Variants in GALNT13 observed in about 807,000 individuals in gnomAD.
GALNT13 encodes the protein polypeptide N-acetylgalactosaminyltransferase 13, also known as UDP-GalNAc:polypeptide N-acetylgalactosaminyltransferase 13.
A neutral mutation model predicts 64.2 loss-of-function variants in GALNT13; 28 were observed. The ratio of observed to expected loss-of-function variants is 0.44; its 90% CI spans 0.32 to 0.60. The LOEUF is 0.60. Among genes scored for constraint, GALNT13 ranks in the 20% least tolerant of loss-of-function variants. The probability of loss-of-function intolerance (pLI) is 0.05; values close to 1 mark genes in which losing one functional copy is unlikely to be tolerated. For missense variants in GALNT13, 577 were observed against 669.8 expected, an observed-to-expected ratio of 0.86 and a Z score of 1.53; for synonymous variants, 214 against 224.6, an observed-to-expected ratio of 0.95 and a Z score of 0.42.
At chr2:153,132,439 G>A in the GALNT13 span, among the ~76,000 whole-genome samples, 58 of 152,236 alleles carry the variant, frequency 3.8e-4, no homozygotes, top group Non-Finnish European at 2.1e-4. Flanking sequence ...CTAAGAGTAT[G>A]CAGAAAAAGT....
At chr2:153,329,916 C>A in the GALNT13 span, among the ~76,000 whole-genome samples, 1 of 152,130 alleles carries the variant, frequency 6.6e-6, no homozygotes, top group Non-Finnish European at 1.5e-5. Context: ...TGAGGTCTTA[C>A]GTATGAATGT....
chr2:153,534,703 G>A, the GALNT13 span, among the ~76,000 whole-genome samples: 3 of 151,724 alleles, frequency 2.0e-5, no homozygotes, highest in South Asian at 6.2e-4. Context: ...AGTGGGGGTC[G>A]CAAGGTGCTC....
At chr2:153,629,194 C>A in the GALNT13 span, among the ~76,000 whole-genome samples, 2 of 122,308 alleles carry the variant, frequency 1.6e-5, no homozygotes, top group African/African-American at 8.1e-5. Flanking sequence ...GTGGTGATAT[C>A]CCCTTTATCA....
At chr2:153,272,394 G>T in the GALNT13 span, among the ~76,000 whole-genome samples, 3 of 138,140 alleles carry the variant, frequency 2.2e-5, no homozygotes, top group Admixed American at 1.5e-4. Flanking sequence ...AGAAGACAAA[G>T]AACTTAAACA....
the GALNT13 span, among the ~76,000 whole-genome samples, chr2:153,448,192 G>A: frequency 6.6e-6 from 1 of 152,118 alleles, no homozygotes; most frequent in South Asian, 2.1e-4. Context: ...TCAAACAATA[G>A]TAATATACTG....
chr2:153,521,641 T>C, the GALNT13 span, among the ~76,000 whole-genome samples: 1 of 152,202 alleles, frequency 6.6e-6, no homozygotes. Context: ...CCCACTACTA[T>C]AGTATCATAC....
At chr2:154,034,454 T>C (rs1698534273) in intron 3 of GALNT13, among the ~76,000 whole-genome samples, 1 of 152,222 alleles carries the variant, frequency 6.6e-6, no homozygotes, top group South Asian at 2.1e-4. Flanking sequence ...TTTGTATAAA[T>C]TTAAGGCATA....
At chr2:154,441,495 AT>A (rs1389572790) in intron 12 of GALNT13, among the ~76,000 whole-genome samples, 2 of 152,134 alleles carry the variant, frequency 1.3e-5, no homozygotes, top group Non-Finnish European at 2.9e-5. Flanking sequence ...CAGAACTGAA[AT>A]GTACCTTAAA....
the GALNT13 span, among the ~76,000 whole-genome samples, chr2:153,672,574 G>T: frequency 6.6e-6 from 1 of 152,130 alleles, no homozygotes; most frequent in Non-Finnish European, 1.5e-5. Context: ...GAAATTTGTA[G>T]CACTAAATGC....
chr2:153,756,619 T>A, the GALNT13 span, among the ~76,000 whole-genome samples: 1 of 152,132 alleles, frequency 6.6e-6, no homozygotes, highest in Admixed American at 6.6e-5. Flanking sequence ...ATGTTGGACA[T>A]GAGTGCCTTT....
the GALNT13 span, among the ~76,000 whole-genome samples, chr2:153,396,451 C>T: frequency 4.6e-5 from 7 of 151,878 alleles, no homozygotes; most frequent in African/African-American, 1.7e-4. Flanking sequence ...TGTGATAAAA[C>T]ATGAGATTAA....
chr2:153,664,590 A>G, the GALNT13 span, among the ~76,000 whole-genome samples: 1 of 152,302 alleles, frequency 6.6e-6, no homozygotes, highest in East Asian at 1.9e-4. Context: ...CAGGTGTAGG[A>G]AATTATAAGA....
chr2:153,633,693 T>A, the GALNT13 span, among the ~76,000 whole-genome samples: 1 of 152,156 alleles, frequency 6.6e-6, no homozygotes, highest in African/African-American at 2.4e-5. Context: ...CAGTGAGTGA[T>A]CTATTTCCAA....
At chr2:153,882,571 G>T (rs553088920) in intron 1 of GALNT13, among the ~76,000 whole-genome samples, 1 of 151,368 alleles carries the variant, frequency 6.6e-6, no homozygotes, top group South Asian at 2.1e-4. Flanking sequence ...AAGTCTTTTA[G>T]TCAACAAGAC....
chr2:154,261,672 G>A (rs908178813), intron 8 of GALNT13, among the ~76,000 whole-genome samples: 6 of 152,160 alleles, frequency 3.9e-5, no homozygotes, highest in African/African-American at 1.4e-4. Context: ...GATGAGTAAA[G>A]CATGATGCTT....
chr2:154,287,084 T>C (rs986064040), intron 8 of GALNT13: 3 of 866,178 alleles, frequency 3.5e-6, no homozygotes, highest in African/African-American at 3.3e-5. Context: ...CCACCCACCT[T>C]TGGGCAAGCA....
At chr2:153,320,000 T>G in the GALNT13 span, among the ~76,000 whole-genome samples, 1 of 152,270 alleles carries the variant, frequency 6.6e-6, no homozygotes, top group Admixed American at 6.5e-5. Context: ...GTCTAGCTGT[T>G]CTCAACTCTG....
chr2:154,364,352 A>G (rs1697242044), intron 9 of GALNT13, among the ~76,000 whole-genome samples: 2 of 152,222 alleles, frequency 1.3e-5, no homozygotes, highest in South Asian at 4.1e-4. Context: ...ATTGTGTAAT[A>G]TCACTTATCC....
chr2:153,191,431 C>T, the GALNT13 span, among the ~76,000 whole-genome samples: 99,896 of 151,990 alleles, frequency 0.66, 32,996 homozygotes, highest in East Asian at 0.83. Flanking sequence ...TTAATCATGT[C>T]GTATTATGTC....
Sources: gnomAD v4.1 joint callset for allele counts (sites outside exome capture counted in the v4.1 genomes callset) on GRCh38, gnomAD v4.1.1 for gene constraint, MANE v1.5 for transcripts, NCBI Gene and HGNC (gene_info 2026-07-23, HGNC 2026-07-21) for gene names.